Variants in FHIT observed in about 807,000 individuals in gnomAD.
FHIT encodes fragile histidine triad diadenosine triphosphatase.
In FHIT, 19 loss-of-function variants were observed where a neutral mutation model predicts 17.9. The ratio of observed to expected loss-of-function variants is 1.06; its 90% CI spans 0.74 to 1.56. The LOEUF is 1.56. FHIT is among the 40% of genes most tolerant of loss of function. FHIT has a pLI of 0.00. For missense variants in FHIT, 248 were observed against 189.2 expected (o/e 1.31, Z -1.82); for synonymous variants, 81 against 69.7 (o/e 1.16, Z -0.81).
At chr3:60,311,570 T>A (rs900438816) in intron 5 of FHIT, among the ~76,000 whole-genome samples, 1 of 152,218 alleles carries the variant, frequency 6.6e-6, no homozygotes, top group Non-Finnish European at 1.5e-5. Context: ...ATATTTTAGT[T>A]ATACACTAAC....
chr3:60,455,827 G>C (rs1201398170), intron 5 of FHIT, among the ~76,000 whole-genome samples: 3 of 152,112 alleles, frequency 2.0e-5, no homozygotes, highest in African/African-American at 4.8e-5. Context: ...GGAGAAGTGA[G>C]TTTTAGGACT....
chr3:60,534,439 CAAAAAA>C (rs563992117), intron 5 of FHIT, among the ~76,000 whole-genome samples: 6 of 32,410 alleles, frequency 1.9e-4, no homozygotes, highest in African/African-American at 6.5e-4. Flanking sequence ...GACTCCGTCT[CAAAAAA>C]AAAAAAAAAA....
chr3:60,079,836 G>C (rs189581939), intron 5 of FHIT, among the ~76,000 whole-genome samples: 1 of 152,154 alleles, frequency 6.6e-6, no homozygotes, highest in Non-Finnish European at 1.5e-5. Flanking sequence ...ATGCAGGGAA[G>C]GGGGTGCATT....
In FHIT at chr3:60,508,702, G is replaced by T. The variant is rs1390356888; in HGVS notation, c.103+28158C>A. ...TGAATTCTATTCCTTCTATTTATTT[G>T]GATCAATTCTTATCCAAATCTGTGA... On this transcript the variant is annotated intron_variant, in intron 5 of 9. Coordinates refer to ENST00000492590, the MANE Select transcript of FHIT (RefSeq NM_002012.4). 2.6e-5 allele frequency among the ~76,000 whole-genome samples: 4 copies of T among 152,032 alleles called. No individual in the cohort carries two copies. In the East Asian group the frequency reaches 5.8e-4, roughly 22 times the overall value.
rs1046151535 is a variant in FHIT, at chr3:60,500,741, C to G, written c.103+36119G>C. Among the ~76,000 whole-genome samples the G allele has an allele frequency of 3.6e-5, 5 of 137,782 alleles. No individual in the cohort carries two copies. The South Asian group carries it at 6.8e-4, about 19-fold the overall frequency. 90.4% of individuals were successfully genotyped at this position (137,782 alleles called of 152,430 possible). ...TGAGCCAAGATCACCCCACTGCACT[C>G]CAGCCTGGGTGACAGAGTGAGCATC... On this transcript the variant is annotated intron_variant, in intron 5 of 9. Transcript: ENST00000492590.
intron 5 of FHIT, chr3:60,080,980 A>G (rs537504354): frequency 6.6e-6 from 1 of 152,264 alleles, no homozygotes; most frequent in South Asian, 2.1e-4. Context: ...ACCTCTAGAC[A>G]TGGGAGTGCA....
intron 8 of FHIT, among the ~76,000 whole-genome samples, chr3:59,819,458 T>C (rs1436445558): frequency 5.3e-5 from 8 of 152,148 alleles, no homozygotes; most frequent in Non-Finnish European, 1.2e-4. Context: ...CCTATTTTTC[T>C]TTTTCTTGAA....
chr3:59,866,765 T>A (rs956610304), intron 8 of FHIT, among the ~76,000 whole-genome samples: 1 of 151,672 alleles, frequency 6.6e-6, no homozygotes, highest in African/African-American at 2.4e-5. Flanking sequence ...TAATTGCCAC[T>A]TCTGTAGATA....
intron 5 of FHIT, among the ~76,000 whole-genome samples, chr3:60,064,381 C>A (rs1039295414): frequency 6.6e-6 from 1 of 152,106 alleles, no homozygotes; most frequent in African/African-American, 2.4e-5. Context: ...TGCACCCCAC[C>A]CCCAACCAAA....
chr3:60,690,501 A>G, intron 4 of FHIT: 1 of 564,606 alleles, frequency 1.8e-6, no homozygotes, highest in Non-Finnish European at 3.6e-6. Context: ...ACTTGCTACC[A>G]GTGCCATTAT....
chr3:60,054,642 G>C (rs559345136), intron 5 of FHIT, among the ~76,000 whole-genome samples: 1 of 152,224 alleles, frequency 6.6e-6, no homozygotes, highest in African/African-American at 2.4e-5. Context: ...TGCCTGATCT[G>C]CTTATTAATA....
At chr3:59,880,474 C>T (rs1462369935) in intron 8 of FHIT, among the ~76,000 whole-genome samples, 2 of 152,128 alleles carry the variant, frequency 1.3e-5, no homozygotes, top group Non-Finnish European at 2.9e-5. Flanking sequence ...ACTTTCTCTT[C>T]TCTAGTAGGG....
chr3:61,149,506 T>C (rs2037322624), intron 2 of FHIT, among the ~76,000 whole-genome samples: 1 of 152,158 alleles, frequency 6.6e-6, no homozygotes, highest in Admixed American at 6.5e-5. Flanking sequence ...AAATTGGTTT[T>C]ATTTTACTGG....
chr3:60,132,143 T>C (rs1699621656), intron 5 of FHIT, among the ~76,000 whole-genome samples: 1 of 152,180 alleles, frequency 6.6e-6, no homozygotes, highest in Admixed American at 6.5e-5. Context: ...CATGTCCCCC[T>C]TATTTAGTCT....
intron 4 of FHIT, among the ~76,000 whole-genome samples, chr3:60,562,451 T>A (rs2036986315): frequency 6.6e-6 from 1 of 152,158 alleles, no homozygotes; most frequent in African/African-American, 2.4e-5. Flanking sequence ...AAGTCTCACT[T>A]GAGACTGGTA....
intron 1 of FHIT, among the ~76,000 whole-genome samples, chr3:61,227,825 T>C (rs949586260): frequency 6.6e-6 from 1 of 152,168 alleles, no homozygotes; most frequent in African/African-American, 2.4e-5. Flanking sequence ...CCGAGTGTGA[T>C]GTTCGGATTA....
At chr3:60,053,670 AT>A (rs1701972664) in intron 5 of FHIT, among the ~76,000 whole-genome samples, 1 of 151,998 alleles carries the variant, frequency 6.6e-6, no homozygotes, top group Non-Finnish European at 1.5e-5. Flanking sequence ...ATTTGAAGAC[AT>A]CCCCCACCCC....
chr3:61,239,110 A>G (rs983321133), intron 1 of FHIT, among the ~76,000 whole-genome samples: 9 of 151,682 alleles, frequency 5.9e-5, no homozygotes, highest in African/African-American at 1.2e-4. Context: ...AAGGGAGGGG[A>G]AAAAAAAAGT....
intron 2 of FHIT, among the ~76,000 whole-genome samples, chr3:61,149,786 G>A (rs1351770447): frequency 6.6e-6 from 1 of 152,068 alleles, no homozygotes; most frequent in Non-Finnish European, 1.5e-5. Context: ...AGGCTGATGG[G>A]GGAGGATTGC....
Sources: gnomAD v4.1 joint callset for allele counts (sites outside exome capture counted in the v4.1 genomes callset) on GRCh38, gnomAD v4.1.1 for gene constraint, MANE v1.5 for transcripts, NCBI Gene and HGNC (gene_info 2026-07-23, HGNC 2026-07-21) for gene names.